The following FSTL4 variants were observed in gnomAD, a reference collection of about 807,000 sequenced individuals.
The protein encoded by FSTL4 is follistatin-related protein 4.
A neutral mutation model predicts 78.2 loss-of-function variants in FSTL4; 28 were observed. The observed-to-expected ratio is 0.36, with a 90% CI of 0.27 to 0.49. The LOEUF (loss-of-function observed/expected upper bound fraction) is 0.49. Ranked by LOEUF, FSTL4 falls within the 20% of genes least tolerant of loss-of-function variation. The pLI is 0.98. For missense variants in FSTL4, 922 were observed against 1,084.9 expected, an observed-to-expected ratio of 0.85 and a Z score of 2.11; for synonymous variants, 422 against 440.5, an observed-to-expected ratio of 0.96 and a Z score of 0.53.
chr5:133,211,867 G>A (rs751423311), intron 13 of FSTL4, among the ~76,000 whole-genome samples: 9 of 152,024 alleles, frequency 5.9e-5, no homozygotes, highest in Admixed American at 3.3e-4. Context: ...TCAACCTAAC[G>A]TATAGAGAAT....
chr5:133,230,600 G>C (rs1224268141), intron 8 of FSTL4, among the ~76,000 whole-genome samples: 1 of 152,168 alleles, frequency 6.6e-6, no homozygotes, highest in Non-Finnish European at 1.5e-5. Context: ...CGGGTAAGAT[G>C]ACTCCTCACT....
At chr5:133,250,993 C>G (rs765644560) in intron 6 of FSTL4, among the ~76,000 whole-genome samples, 6 of 152,170 alleles carry the variant, frequency 3.9e-5, no homozygotes, top group Non-Finnish European at 7.3e-5. Context: ...GTGAAGGAAC[C>G]CTCAAGGAAA....
At chr5:133,822,880 A>G in the FSTL4 span, among the ~76,000 whole-genome samples, 1 of 152,162 alleles carries the variant, frequency 6.6e-6, no homozygotes, top group East Asian at 1.9e-4. Flanking sequence ...AGGAAATGTG[A>G]TTCATTTATT....
chr5:133,266,881 CAG>C (rs1206233444), intron 6 of FSTL4, among the ~76,000 whole-genome samples: 2 of 152,234 alleles, frequency 1.3e-5, no homozygotes, highest in African/African-American at 4.8e-5. Flanking sequence ...GCTCCTCACT[CAG>C]TGTCCTCAGC....
At chr5:133,427,669 C>T (rs757832500) in intron 3 of FSTL4, 1 of 530,364 alleles carries the variant, frequency 1.9e-6, no homozygotes, top group East Asian at 5.5e-5. Context: ...AGTTCTGAGG[C>T]AGGGTCTAGG....
chr5:133,760,293 T>C, the FSTL4 span, among the ~76,000 whole-genome samples: 2 of 152,160 alleles, frequency 1.3e-5, no homozygotes, highest in Non-Finnish European at 2.9e-5. Context: ...GCTCCTGCTC[T>C]TCCAGTCTCA....
chr5:133,312,835 T>C, intron 5 of FSTL4, 58 bp from the exon 6 acceptor site: 1 of 1,572,046 alleles, frequency 6.4e-7, no homozygotes, highest in Admixed American at 1.7e-5. Context: ...TCATAGGCAT[T>C]GATGAAAATG....
the FSTL4 span, among the ~76,000 whole-genome samples, chr5:133,667,294 C>A: frequency 6.6e-6 from 1 of 152,174 alleles, no homozygotes; most frequent in Non-Finnish European, 1.5e-5. Flanking sequence ...ACCATTATTA[C>A]CCTGGTACAA....
the FSTL4 span, among the ~76,000 whole-genome samples, chr5:133,738,708 A>G: frequency 6.6e-6 from 1 of 152,244 alleles, no homozygotes; most frequent in Non-Finnish European, 1.5e-5. Flanking sequence ...GAAAGGATCA[A>G]GTTTTCAGGT....
intron 3 of FSTL4, among the ~76,000 whole-genome samples, chr5:133,418,527 T>C (rs1468888722): frequency 6.6e-6 from 1 of 152,122 alleles, no homozygotes; most frequent in African/African-American, 2.4e-5. Flanking sequence ...TTCTAAAAAT[T>C]ATATGGAAAT....
chr5:133,214,377 T>C (rs1750840933), intron 13 of FSTL4, among the ~76,000 whole-genome samples: 1 of 152,238 alleles, frequency 6.6e-6, no homozygotes, highest in African/African-American at 2.4e-5. Flanking sequence ...ACATGTCCCA[T>C]TGTATTTGCC....
the FSTL4 span, among the ~76,000 whole-genome samples, chr5:133,666,085 A>T: frequency 7.4e-6 from 1 of 136,010 alleles, no homozygotes; most frequent in Non-Finnish European, 1.6e-5. Context: ...TTGCCAATTT[A>T]AAAAAAAAAA....
At chr5:133,489,512 G>T (rs1758213731) in intron 3 of FSTL4, among the ~76,000 whole-genome samples, 1 of 152,108 alleles carries the variant, frequency 6.6e-6, no homozygotes, top group Non-Finnish European at 1.5e-5. Context: ...TATCTAGAAG[G>T]TTCTGCTAGC....
At chr5:133,821,187 T>C in the FSTL4 span, among the ~76,000 whole-genome samples, 1 of 152,202 alleles carries the variant, frequency 6.6e-6, no homozygotes, top group Non-Finnish European at 1.5e-5. Context: ...TTAGAAAAAA[T>C]AATATTCTTC....
At chr5:133,240,416 C>A (rs1268491490) in intron 7 of FSTL4, among the ~76,000 whole-genome samples, 1 of 152,202 alleles carries the variant, frequency 6.6e-6, no homozygotes, top group Non-Finnish European at 1.5e-5. Context: ...GTCTGAGCCC[C>A]CTGGAAGAGG....
intron 3 of FSTL4, chr5:133,427,807 C>T (rs1756856819): frequency 2.4e-6 from 1 of 413,822 alleles, no homozygotes; most frequent in Non-Finnish European, 5.4e-6. Flanking sequence ...GGTTCCTTCT[C>T]AGAGGTTTCA....
At chr5:133,357,802 C>G (rs139633896) in intron 4 of FSTL4, among the ~76,000 whole-genome samples, 1 of 152,284 alleles carries the variant, frequency 6.6e-6, no homozygotes, top group African/African-American at 2.4e-5. Context: ...CTCGGAGACA[C>G]CCATGCTGAG....
At chr5:133,461,409 G>A (rs978587666) in intron 3 of FSTL4, among the ~76,000 whole-genome samples, 1 of 152,156 alleles carries the variant, frequency 6.6e-6, no homozygotes, top group Non-Finnish European at 1.5e-5. Flanking sequence ...TAGTTTACTG[G>A]AGCTTTAAAC....
intron 3 of FSTL4, among the ~76,000 whole-genome samples, chr5:133,406,680 C>A (rs942983595): frequency 6.6e-6 from 1 of 152,202 alleles, no homozygotes; most frequent in Non-Finnish European, 1.5e-5. Context: ...AACACCCAGC[C>A]AGAGAAGGCC....
Sources: gnomAD v4.1 joint callset for allele counts (sites outside exome capture counted in the v4.1 genomes callset) on GRCh38, gnomAD v4.1.1 for gene constraint, MANE v1.5 for transcripts, NCBI Gene and HGNC (gene_info 2026-07-23, HGNC 2026-07-21) for gene names.